The following SPECC1L variants were observed in gnomAD, a reference collection of about 807,000 sequenced individuals.
The protein encoded by SPECC1L is cytospin-A.
In SPECC1L, 40 loss-of-function variants were observed where a neutral mutation model predicts 116.8. The ratio of observed to expected loss-of-function variants is 0.34; its 90% CI spans 0.27 to 0.45. The LOEUF is 0.45. Among genes scored for constraint, SPECC1L ranks in the 20% least tolerant of loss-of-function variants. The probability of loss-of-function intolerance (pLI) is 1.00; values close to 1 mark genes in which losing one functional copy is unlikely to be tolerated. For synonymous variants in SPECC1L, 504 were observed against 500.6 expected (o/e 1.01, Z -0.09); for missense variants, 1,110 against 1,373.6 (o/e 0.81, Z 3.03).
Position 24,413,987 on chromosome 22 carries a change from TGG to T in SPECC1L, c.3265-545_3265-544del, listed in dbSNP as rs1448328336. On this transcript the variant is annotated intron_variant, in intron 16 of 16. Coordinates refer to ENST00000314328, the MANE Select transcript of SPECC1L (RefSeq NM_015330.6). Reference sequence around the variant, plus strand: ...GTGAGACACTGGAGTGAGGTGGGGGTGGGTCCACGGTTTCCCAAGTTTATTTT... The same window carrying T: ...GTGAGACACTGGAGTGAGGTGGGGGTGTCCACGGTTTCCCAAGTTTATTTT... Among the ~76,000 whole-genome samples the T allele has an allele frequency of 3.3e-5, 5 of 151,784 alleles. No individual in the cohort carries two copies. The East Asian group carries it at 7.8e-4, about 24-fold the overall frequency.
At chr22:24,356,464 T>G (rs550321879) in intron 11 of SPECC1L, among the ~76,000 whole-genome samples, 55 of 152,270 alleles carry the variant, frequency 3.6e-4, no homozygotes, top group African/African-American at 1.3e-3. Context: ...TCTGAAGTCT[T>G]TCTTTTCTGA....
At position 24,414,005 on chromosome 22, in the gene SPECC1L, A is replaced by T. The variant is rs184025899; in HGVS notation, c.3265-529A>T. On this transcript the variant is annotated intron_variant, in intron 16 of 16. Transcript: ENST00000314328. Reference sequence around the variant, plus strand: ...GTGGGGGTGGGTCCACGGTTTCCCAAGTTTATTTTCCTAGAACATCAGTTC... The same window carrying T: ...GTGGGGGTGGGTCCACGGTTTCCCATGTTTATTTTCCTAGAACATCAGTTC... Among the ~76,000 whole-genome samples the T allele has an allele frequency of 3.9e-5, 6 of 152,216 alleles. No homozygotes were observed. The East Asian group carries it at 1.2e-3, about 29-fold the overall frequency.
intron 2 of SPECC1L, among the ~76,000 whole-genome samples, chr22:24,288,909 C>T (rs528597064): frequency 6.6e-6 from 1 of 152,144 alleles, no homozygotes; most frequent in South Asian, 2.1e-4. Context: ...CAGGCGTGAG[C>T]CATTGCTCCC....
At chr22:24,372,006 C>A (rs969924509) in intron 14 of SPECC1L, among the ~76,000 whole-genome samples, 1 of 152,162 alleles carries the variant, frequency 6.6e-6, no homozygotes, top group African/African-American at 2.4e-5. Flanking sequence ...CAAGCATGAG[C>A]CACCGCGCCC....
At chr22:24,271,593 A>G (rs2048728503) in intron 1 of SPECC1L, among the ~76,000 whole-genome samples, 1 of 152,216 alleles carries the variant, frequency 6.6e-6, no homozygotes. Context: ...CGTTTCCAGG[A>G]ATTTGGTAAT....
intron 11 of SPECC1L, among the ~76,000 whole-genome samples, chr22:24,349,261 G>A (rs1032158433): frequency 2.6e-5 from 4 of 152,036 alleles, no homozygotes; most frequent in Non-Finnish European, 4.4e-5. Flanking sequence ...GGCTGGTCTC[G>A]AACTCCTGAC....
At position 24,321,946 on chromosome 22, in the gene SPECC1L, G is replaced by A. The variant is rs776639958; in HGVS notation, c.966G>A (p.Val322=). The A allele has an allele frequency of 5.6e-6, 9 of 1,614,194 alleles. No homozygotes were observed. In the South Asian group the frequency reaches 8.8e-5, roughly 16 times the overall value. The change falls in exon 5 of 17, where the codon GTG becomes GTA. Residue 322 remains valine (V), a synonymous_variant. Coordinates refer to ENST00000314328, the MANE Select transcript of SPECC1L (RefSeq NM_015330.6). ...TGGAAGGCTCTGCCCCTGGCTCAGT[G>A]GAGGATCTCTTGAGTCAGGATGAAA... ...SSVEGSAPGS[V]EDLLSQDENT... is the part of the protein sequence containing the mutation.
chr22:24,351,351 G>A (rs1255118970), intron 11 of SPECC1L, among the ~76,000 whole-genome samples: 2 of 152,180 alleles, frequency 1.3e-5, no homozygotes, highest in Admixed American at 1.3e-4. Flanking sequence ...CTGTTACCTT[G>A]GCTTTTGTGG....
intron 14 of SPECC1L, among the ~76,000 whole-genome samples, chr22:24,380,646 C>T (rs2042048104): frequency 6.6e-6 from 1 of 152,170 alleles, no homozygotes; most frequent in Admixed American, 6.5e-5. Flanking sequence ...ACATTTTTCT[C>T]TTTTAACTTG....
At position 24,414,516 on chromosome 22, in the gene SPECC1L, G is replaced by A. The variant is rs200213534; in HGVS notation, c.3265-18G>A. On this transcript the variant is annotated intron_variant, in intron 16 of 16. Transcript: ENST00000314328. ...AGGTGACCTGCAGTTCTAACCAAGC[G>A]TCTTCCTTGTCTGTCAGGACATTAA... 5.6e-6 allele frequency: 9 copies of A among 1,612,214 alleles called. No individual in the cohort carries two copies. Among genetic ancestry groups the A allele is most frequent in the Admixed American group, 3.3e-5 (2 of 59,918 alleles).
rs1409224614 is a variant in SPECC1L, at chr22:24,323,056, G to C, written c.1938+138G>C. ...TAAAACTGATATTTTTAAAACTTGG[G>C]AATGGTTTCCTTTTATTGGAATAGT... On this transcript the variant is annotated intron_variant, in intron 5 of 16. Transcript: ENST00000314328. 5 of 1,408,612 alleles carry C rather than the reference G, an allele frequency of 3.5e-6. No homozygotes were observed. In the East Asian group the frequency reaches 1.0e-4, roughly 29 times the overall value. 87.3% of individuals were successfully genotyped at this position (1,408,612 alleles called of 1,614,324 possible). A position where few individuals can be genotyped will look rare whatever the true frequency, so the allele number is the denominator to read the frequency against.
chr22:24,289,394 A>G (rs1411976674), intron 2 of SPECC1L, among the ~76,000 whole-genome samples: 2 of 152,226 alleles, frequency 1.3e-5, no homozygotes, highest in Non-Finnish European at 2.9e-5. Flanking sequence ...CGTCCTTTCC[A>G]GCAGCTTGCA....
chr22:24,273,073 G>A (rs1417831080), intron 1 of SPECC1L, among the ~76,000 whole-genome samples: 1 of 152,210 alleles, frequency 6.6e-6, no homozygotes, highest in Non-Finnish European at 1.5e-5. Context: ...AATTACAGTT[G>A]TAGTTAAAGT....
At chr22:24,363,867 T>C (rs1430445331) in intron 12 of SPECC1L, among the ~76,000 whole-genome samples, 1 of 146,228 alleles carries the variant, frequency 6.8e-6, no homozygotes, top group Non-Finnish European at 1.5e-5. Context: ...TACATTCTGC[T>C]TGTGGTTATC....
chr22:24,407,830 T>C (rs2042621617), intron 14 of SPECC1L, among the ~76,000 whole-genome samples: 1 of 152,254 alleles, frequency 6.6e-6, no homozygotes, highest in Non-Finnish European at 1.5e-5. Context: ...TGGCCCATTC[T>C]TCATTTGTCT....
At chr22:24,308,850 A>C (rs923572450) in intron 3 of SPECC1L, among the ~76,000 whole-genome samples, 14 of 152,256 alleles carry the variant, frequency 9.2e-5, no homozygotes, top group Middle Eastern at 3.4e-3. Context: ...ATATTATTGT[A>C]AATTCATAGA....
In SPECC1L at chr22:24,322,813, T is replaced by C. The variant is rs1601553466; in HGVS notation, c.1833T>C (p.Ser611=). 3 of 1,606,306 alleles carry C rather than the reference T, an allele frequency of 1.9e-6. No homozygotes were observed. The highest frequency in any genetic ancestry group is 2.6e-6 in the Non-Finnish European group (3 of 1,176,322). ...CTGATATTCAGGACCTCCTGGAGAG[T>C]GTCAGGCTGGACAAAGAAAAAGCAG... ...DKSDIQDLLE[S]VRLDKEKAET... is the part of the protein sequence containing the mutation. Residue 611 remains serine (S), a synonymous_variant, in exon 5 of 17, where the codon AGT becomes AGC. Coordinates refer to ENST00000314328, the MANE Select transcript of SPECC1L (RefSeq NM_015330.6).
intron 15 of SPECC1L, chr22:24,412,359 C>T (rs978718474): frequency 2.1e-4 from 105 of 503,810 alleles, no homozygotes; most frequent in South Asian, 1.4e-3. Context: ...TTTGGGGGTG[C>T]GTGTTCAGGT....
chr22:24,315,124 A>G (rs1279647118), intron 4 of SPECC1L, among the ~76,000 whole-genome samples: 1 of 152,252 alleles, frequency 6.6e-6, no homozygotes, highest in East Asian at 1.9e-4. Flanking sequence ...CTTTTCTGTC[A>G]TCGTAATTTA....
Sources: allele counts gnomAD v4.1 joint callset (sites outside exome capture counted in the v4.1 genomes callset), GRCh38; gene constraint gnomAD v4.1.1; transcripts MANE v1.5; gene names NCBI Gene and HGNC (gene_info 2026-07-23, HGNC 2026-07-21).